PDZRN4: variants seen among roughly 807,000 people sequenced by gnomAD.
The protein encoded by PDZRN4 is PDZ domain containing ring finger 4.
Under a neutral mutation model 99.0 loss-of-function variants are expected in PDZRN4, and 70 were observed. That is an observed-to-expected ratio of 0.71 (90% CI 0.58 to 0.86). The LOEUF (loss-of-function observed/expected upper bound fraction) is 0.86, where lower values mean the gene tolerates loss of function less well. Among genes scored for constraint, PDZRN4 ranks in the 40% least tolerant of loss-of-function variants. The pLI, the probability that PDZRN4 is intolerant of heterozygous loss-of-function variation, is 0.00. For synonymous variants in PDZRN4, 551 were observed against 501.6 expected (o/e 1.10, Z -1.32); for missense variants, 1,474 against 1,331.2 (o/e 1.11, Z -1.67).
chr12:41,214,891 T>C (rs1950911073), intron 3 of PDZRN4, among the ~76,000 whole-genome samples: 1 of 151,992 alleles, frequency 6.6e-6, no homozygotes, highest in Admixed American at 6.6e-5. Context: ...GAGAAAAAAA[T>C]GTCTGAAAAG....
At chr12:41,277,701 A>G (rs1426278422) in intron 3 of PDZRN4, among the ~76,000 whole-genome samples, 1 of 152,186 alleles carries the variant, frequency 6.6e-6, no homozygotes, top group Non-Finnish European at 1.5e-5. Context: ...TCCAACTGAA[A>G]TAAGGTTGGT....
chr12:41,383,222 C>T (rs1952139610), intron 3 of PDZRN4, among the ~76,000 whole-genome samples: 1 of 152,136 alleles, frequency 6.6e-6, no homozygotes, highest in South Asian at 2.1e-4. Context: ...TTTTGGAGCA[C>T]ACTATTTCAT....
At chr12:41,534,935 T>C (rs1938724983) in intron 5 of PDZRN4, among the ~76,000 whole-genome samples, 1 of 152,156 alleles carries the variant, frequency 6.6e-6, no homozygotes, top group Admixed American at 6.5e-5. Flanking sequence ...TGTGTCTTTG[T>C]GTGCATTCTA....
At chr12:41,418,397 G>A (rs779722917) in intron 3 of PDZRN4, among the ~76,000 whole-genome samples, 11 of 152,084 alleles carry the variant, frequency 7.2e-5, no homozygotes, top group Non-Finnish European at 1.5e-4. Context: ...CACTAACAAA[G>A]GCATTCCAGT....
chr12:41,339,315 C>A (rs1951798706), intron 3 of PDZRN4, among the ~76,000 whole-genome samples: 1 of 151,958 alleles, frequency 6.6e-6, no homozygotes, highest in South Asian at 2.1e-4. Context: ...GCCAAGAACA[C>A]ATGTTGGGGA....
At chr12:41,259,777 T>C (rs1046928045) in intron 3 of PDZRN4, among the ~76,000 whole-genome samples, 1 of 152,186 alleles carries the variant, frequency 6.6e-6, no homozygotes, top group Non-Finnish European at 1.5e-5. Context: ...GGGCTACTTT[T>C]AAGCTAATCA....
chr12:41,268,066 T>C (rs1485408738), intron 3 of PDZRN4, among the ~76,000 whole-genome samples: 2 of 152,214 alleles, frequency 1.3e-5, no homozygotes, highest in African/African-American at 2.4e-5. Flanking sequence ...TCATGCATAC[T>C]ATGCATAGGT....
intron 3 of PDZRN4, among the ~76,000 whole-genome samples, chr12:41,500,745 A>C (rs1383491181): frequency 6.6e-6 from 1 of 152,152 alleles, no homozygotes; most frequent in African/African-American, 2.4e-5. Context: ...GTTTAGGGAA[A>C]AAAAAGCAGT....
At chr12:41,571,477 C>A (rs535549060) in intron 9 of PDZRN4, among the ~76,000 whole-genome samples, 1 of 151,084 alleles carries the variant, frequency 6.6e-6, no homozygotes, top group African/African-American at 2.4e-5. Context: ...TGATATTATG[C>A]CCATGTCTGG....
intron 3 of PDZRN4, among the ~76,000 whole-genome samples, chr12:41,487,788 T>G (rs1937803244): frequency 6.6e-6 from 1 of 152,218 alleles, no homozygotes; most frequent in African/African-American, 2.4e-5. Context: ...CACATCGTGC[T>G]CAGCCACCCT....
At chr12:41,198,741 C>T (rs952619156) in intron 3 of PDZRN4, among the ~76,000 whole-genome samples, 8 of 151,080 alleles carry the variant, frequency 5.3e-5, no homozygotes, top group African/African-American at 1.9e-4. Context: ...GCACATGTAC[C>T]CTAAAACTTA....
At chr12:41,461,769 G>A (rs375856023) in intron 3 of PDZRN4, among the ~76,000 whole-genome samples, 9 of 151,952 alleles carry the variant, frequency 5.9e-5, no homozygotes, top group Admixed American at 1.3e-4. Context: ...AGAATAAATG[G>A]ATTCACCTCC....
intron 3 of PDZRN4, among the ~76,000 whole-genome samples, chr12:41,339,777 T>C (rs572760250): frequency 6.6e-6 from 1 of 152,108 alleles, no homozygotes; most frequent in South Asian, 2.1e-4. Flanking sequence ...TGAATACAGA[T>C]TTCTCAAAAG....
At position 41,362,266 on chromosome 12, in the gene PDZRN4, C is replaced by T. The variant is rs547164464; in HGVS notation, c.844-144190C>T. On this transcript the variant is annotated intron_variant, in intron 3 of 9. Coordinates refer to ENST00000402685, the MANE Select transcript of PDZRN4 (RefSeq NM_001164595.2). ...CCCTTGCTTGCAAAGTGAAAATAAA[C>T]TTATAATTACTTTATTTTGCCTGGA... is the stretch of plus-strand genomic sequence containing the variant. Among the ~76,000 whole-genome samples, 3 of 152,050 alleles carry T rather than the reference C, an allele frequency of 2.0e-5. No homozygotes were observed. The South Asian group carries it at 6.2e-4, about 32-fold the overall frequency.
chr12:41,318,132 G>T (rs1951651617), intron 3 of PDZRN4, among the ~76,000 whole-genome samples: 1 of 152,136 alleles, frequency 6.6e-6, no homozygotes, highest in Admixed American at 6.5e-5. Flanking sequence ...GAACAGAGCT[G>T]CTGGAAAACT....
intron 3 of PDZRN4, among the ~76,000 whole-genome samples, chr12:41,468,282 C>T (rs552090775): frequency 6.6e-6 from 1 of 152,160 alleles, no homozygotes; most frequent in Non-Finnish European, 1.5e-5. Context: ...TTAGATTGAG[C>T]TACTGGATCA....
At chr12:41,309,347 G>A (rs1951590970) in intron 3 of PDZRN4, among the ~76,000 whole-genome samples, 1 of 152,138 alleles carries the variant, frequency 6.6e-6, no homozygotes, top group African/African-American at 2.4e-5. Context: ...AGGCTTTCTT[G>A]CTGTGTCATT....
chr12:41,374,557 G>T (rs530112076), intron 3 of PDZRN4, among the ~76,000 whole-genome samples: 3 of 152,130 alleles, frequency 2.0e-5, no homozygotes, highest in Admixed American at 6.6e-5. Flanking sequence ...TAAGCTAAAA[G>T]GATAGCAGTA....
intron 3 of PDZRN4, among the ~76,000 whole-genome samples, chr12:41,464,909 C>T (rs537921179): frequency 6.3e-4 from 96 of 151,574 alleles, no homozygotes; most frequent in African/African-American, 1.8e-3. Flanking sequence ...ACTGCAACCC[C>T]CTCCTCCCAG....
Sources: allele counts gnomAD v4.1 joint callset (sites outside exome capture counted in the v4.1 genomes callset), GRCh38; gene constraint gnomAD v4.1.1; transcripts MANE v1.5; gene names NCBI Gene and HGNC (gene_info 2026-07-23, HGNC 2026-07-21).